Variants in LETM2 observed in about 807,000 individuals in gnomAD.
LETM2 encodes LETM1 domain-containing protein LETM2, mitochondrial.
A neutral mutation model predicts 59.6 loss-of-function variants in LETM2; 58 were observed. The observed-to-expected ratio is 0.97, with a 90% CI of 0.79 to 1.21. LETM2 has a LOEUF of 1.21. LETM2 is among the 50% of genes most tolerant of loss of function. The pLI is 0.00. For synonymous variants in LETM2, 199 were observed against 214.1 expected, an observed-to-expected ratio of 0.93 and a Z score of 0.62; for missense variants, 572 against 575.7, an observed-to-expected ratio of 0.99 and a Z score of 0.07.
chr8:38,382,918 C>G, upstream of LETM2: 1 of 152,264 alleles, frequency 6.6e-6, no homozygotes, highest in African/African-American at 2.4e-5. This position sits in a 1 kb window ranked among gnomAD's most constrained non-coding sequence, Gnocchi z 4.2. Flanking sequence ...GTAGGAGACC[C>G]GGCCGGCGGC....
intron 4 of LETM2, chr8:38,397,281 A>G (rs1812766060): frequency 2.6e-6 from 1 of 389,908 alleles, no homozygotes; most frequent in Non-Finnish European, 5.0e-6. Context: ...GATGCAAGCA[A>G]TTCTCCGGCC....
intron 4 of LETM2, among the ~76,000 whole-genome samples, chr8:38,395,100 A>G (rs916281212): frequency 2.0e-5 from 3 of 152,140 alleles, no homozygotes; most frequent in Non-Finnish European, 4.4e-5. Flanking sequence ...TGGCTGTACC[A>G]CAGCTTGTTT....
intron 8 of LETM2, chr8:38,406,343 G>GC (rs1309066984): frequency 1.3e-5 from 2 of 152,272 alleles, no homozygotes; most frequent in African/African-American, 4.8e-5. Flanking sequence ...GCTCATGCCT[G>GC]TAATCCAGCA....
upstream of LETM2, among the ~76,000 whole-genome samples, chr8:38,385,117 A>G (rs897636317): frequency 2.0e-5 from 3 of 152,270 alleles, no homozygotes; most frequent in Non-Finnish European, 4.4e-5. Flanking sequence ...CTTTATGTGC[A>G]AAGTTGAACA....
chr8:38,406,879 C>G, intron 8 of LETM2, 67 bp from the exon 9 acceptor site: 1 of 1,002,476 alleles, frequency 1.0e-6, no homozygotes, highest in Non-Finnish European at 1.6e-6. Context: ...GCATTGACTA[C>G]TGTAAAAGTT....
At chr8:38,400,653 A>G (rs1032233051) in intron 5 of LETM2, 200 bp from the exon 6 acceptor site, 127 of 662,640 alleles carry the variant, frequency 1.9e-4, no homozygotes, top group Middle Eastern at 4.1e-4. Context: ...GTAGATTTAG[A>G]GTCAAACTTC....
At chr8:38,392,335 G>T (rs1191566055) in intron 2 of LETM2, among the ~76,000 whole-genome samples, 3 of 151,986 alleles carry the variant, frequency 2.0e-5, no homozygotes, top group Non-Finnish European at 4.4e-5. Flanking sequence ...TGAGGCAGGA[G>T]AATCGCTTGA....
Position 38,408,340 on chromosome 8 carries a change from G to T in LETM2, c.*66G>T. ...GCCCTCAACAGTGGCATCTGTAAAG[G>T]ACCTCCCAGATAAGACTGTCTGGCT... On this transcript the variant is annotated 3_prime_UTR_variant, in exon 11 of 11. Coordinates refer to ENST00000379957, the MANE Select transcript of LETM2 (RefSeq NM_001286819.2). 7.4e-7 allele frequency: 1 copy of T among 1,356,794 alleles called. No individual in the cohort carries two copies. Among genetic ancestry groups the T allele is most frequent in the South Asian group, 1.2e-5 (1 of 81,758 alleles). 84.0% of individuals were successfully genotyped at this position (1,356,794 alleles called of 1,614,324 possible).
At chr8:38,406,834 AG>A in intron 8 of LETM2, 111 bp from the exon 9 acceptor site, 1 of 652,444 alleles carries the variant, frequency 1.5e-6, no homozygotes, top group Non-Finnish European at 2.8e-6. Context: ...GGAGGAAGTT[AG>A]GGATTTAGTG....
chr8:38,393,999 G>T lies in LETM2; in HGVS notation c.502-99G>T, dbSNP rs188286315. On this transcript the variant is annotated intron_variant, in intron 3 of 10. Transcript: ENST00000379957. ...GTGAGACACTATCTCTTGAAAGAAA[G>T]AAAATGAAACAAGACAGGGTTTTTT... 2.9e-4 allele frequency: 304 copies of T among 1,039,478 alleles called. 1 individual carries two copies. In the African/African-American group the frequency reaches 4.5e-3, roughly 15 times the overall value. 64.4% of individuals were successfully genotyped at this position (1,039,478 alleles called of 1,614,324 possible). A position where few individuals can be genotyped will look rare whatever the true frequency, so the allele number is the denominator to read the frequency against.
At chr8:38,404,221 C>T (rs1210634656) in intron 7 of LETM2, 172 bp from the exon 8 acceptor site, 1 of 578,564 alleles carries the variant, frequency 1.7e-6, no homozygotes, top group African/African-American at 1.9e-5. Context: ...CCCCTCAGTG[C>T]AGAAGCCAGG....
rs560616360 is a variant in LETM2, at chr8:38,393,989, T to C, written c.502-109T>C. 399 of 965,938 alleles carry C rather than the reference T, an allele frequency of 4.1e-4. 4 individuals are homozygous for C. The African/African-American group carries it at 6.1e-3, about 15-fold the overall frequency. The allele number at this position is 965,938 out of a possible 1,614,324, so 59.8% of individuals were successfully genotyped here. ...GGGCAACATAGTGAGACACTATCTC[T>C]TGAAAGAAAGAAAATGAAACAAGAC... On this transcript the variant is annotated intron_variant, in intron 3 of 10. Coordinates refer to ENST00000379957, the MANE Select transcript of LETM2 (RefSeq NM_001286819.2).
upstream of LETM2, among the ~76,000 whole-genome samples, chr8:38,384,555 G>GA (rs1811696487): frequency 6.6e-6 from 1 of 152,096 alleles, no homozygotes; most frequent in South Asian, 2.1e-4. Context: ...AGTCATGGAG[G>GA]AAAAAATATT....
chr8:38,382,531 CA>C (rs1811623079), upstream of LETM2: 1 of 152,976 alleles, frequency 6.5e-6, no homozygotes, highest in Admixed American at 6.5e-5. This position sits in a 1 kb window ranked among gnomAD's most constrained non-coding sequence, Gnocchi z 4.2. Flanking sequence ...GAGTGACACA[CA>C]AAACACCCCG....
chr8:38,403,930 G>A (rs1359293062), intron 7 of LETM2, among the ~76,000 whole-genome samples: 1 of 151,996 alleles, frequency 6.6e-6, no homozygotes, highest in Non-Finnish European at 1.5e-5. Context: ...ACTAACACAG[G>A]CCACTGCAGC....
intron 6 of LETM2, among the ~76,000 whole-genome samples, chr8:38,401,306 T>C (rs900943009): frequency 1.3e-5 from 2 of 152,046 alleles, no homozygotes; most frequent in Non-Finnish European, 2.9e-5. Flanking sequence ...CTGGCTAATT[T>C]TTGTATTTTT....
chr8:38,402,560 A>G lies in LETM2; in HGVS notation c.1020A>G (p.Val340=). ...AGGAAGGGGTGACAGCATTGAGTGT[A>G]TCAGAACTACAGGCTGCCTGTAGGG... ...IAKEGVTALS[V]SELQAACRAR... Residue 340 remains valine, a synonymous_variant, in exon 7 of 11, where the codon GTA becomes GTG. Coordinates refer to ENST00000379957, the MANE Select transcript of LETM2 (RefSeq NM_001286819.2). 1.9e-6 allele frequency: 3 copies of G among 1,613,944 alleles called. No individual in the cohort carries two copies. Among genetic ancestry groups the G allele is most frequent in the Non-Finnish European group, 2.5e-6 (3 of 1,179,818 alleles).
At chr8:38,394,287 G>T (rs1812517003) in intron 4 of LETM2, 46 bp downstream of exon 4, 6 of 1,180,118 alleles carry the variant, frequency 5.1e-6, no homozygotes, top group Non-Finnish European at 6.8e-6. Flanking sequence ...CTTATTAGAG[G>T]AGTTTTTAGG....
In LETM2 at chr8:38,408,776, A is replaced by G. The variant is rs950079171; in HGVS notation, c.*502A>G. 2 of 152,608 alleles carry G rather than the reference A, an allele frequency of 1.3e-5. No homozygotes were observed. The highest frequency in any genetic ancestry group is 4.8e-5 in the African/African-American group (2 of 41,588). The allele number at this position is 152,608 out of a possible 1,614,324, so 9.5% of individuals were successfully genotyped here. ...ATGAGATGGGATGGATATACTCCCC[A>G]GTAAGATCTTTCTGGATATAATGAA... On this transcript the variant is annotated 3_prime_UTR_variant, in exon 11 of 11. Coordinates refer to ENST00000379957, the MANE Select transcript of LETM2 (RefSeq NM_001286819.2).
Sources: allele counts gnomAD v4.1 joint callset (sites outside exome capture counted in the v4.1 genomes callset), GRCh38; gene constraint gnomAD v4.1.1; non-coding constraint Gnocchi (gnomAD v3.1); transcripts MANE v1.5; gene names NCBI Gene and HGNC (gene_info 2026-07-23, HGNC 2026-07-21).